NOX4: variants seen among roughly 807,000 people sequenced by gnomAD.
NOX4 encodes the protein NADPH oxidase 4.
A neutral mutation model predicts 87.6 loss-of-function variants in NOX4; 69 were observed. That is an observed-to-expected ratio of 0.79 (90% CI 0.65 to 0.96). NOX4 has a LOEUF of 0.96. Ranked by LOEUF, NOX4 falls within the 40% of genes least tolerant of loss-of-function variation. NOX4 has a pLI of 0.00. For missense variants in NOX4, 680 were observed against 681.5 expected, an observed-to-expected ratio of 1.00 and a Z score of 0.02; for synonymous variants, 275 against 238.2, an observed-to-expected ratio of 1.15 and a Z score of -1.42.
intron 2 of NOX4, among the ~76,000 whole-genome samples, chr11:89,483,249 T>C (rs1171111275): frequency 6.6e-6 from 1 of 152,094 alleles, no homozygotes; most frequent in Non-Finnish European, 1.5e-5. Flanking sequence ...CCATATAAAA[T>C]GGCTGATTTT....
chr11:89,537,532 A>G, the NOX4 span, among the ~76,000 whole-genome samples: 1 of 152,010 alleles, frequency 6.6e-6, no homozygotes, highest in Non-Finnish European at 1.5e-5. Flanking sequence ...GACATATTTC[A>G]TTTGTTCTGC....
At chr11:89,485,977 C>G (rs888061005) in intron 2 of NOX4, among the ~76,000 whole-genome samples, 3 of 152,068 alleles carry the variant, frequency 2.0e-5, no homozygotes, top group African/African-American at 7.2e-5. Flanking sequence ...TGGATCAGAC[C>G]AGTCTGGGGA....
chr11:89,329,308 A>G (rs1945354833), intron 17 of NOX4, among the ~76,000 whole-genome samples: 1 of 151,170 alleles, frequency 6.6e-6, no homozygotes. Context: ...AAACTTGAAG[A>G]AAAAGCATTA....
At chr11:89,453,609 C>T (rs544310691) in intron 2 of NOX4, among the ~76,000 whole-genome samples, 1 of 152,146 alleles carries the variant, frequency 6.6e-6, no homozygotes, top group Admixed American at 6.6e-5. Flanking sequence ...TTACTATTAG[C>T]CACACATAGT....
At chr11:89,582,934 A>G in the NOX4 span, among the ~76,000 whole-genome samples, 2 of 152,148 alleles carry the variant, frequency 1.3e-5, no homozygotes, top group Admixed American at 1.3e-4. Context: ...TGTTCCTCCT[A>G]TACAGGAAGA....
chr11:89,464,654 C>T (rs1206616989), intron 2 of NOX4, among the ~76,000 whole-genome samples: 1 of 152,092 alleles, frequency 6.6e-6, no homozygotes, highest in Non-Finnish European at 1.5e-5. Flanking sequence ...CCCAGCTACT[C>T]CAGAGTTTTT....
chr11:89,563,998 A>G, the NOX4 span, among the ~76,000 whole-genome samples: 2 of 152,162 alleles, frequency 1.3e-5, no homozygotes, highest in South Asian at 4.1e-4. Context: ...AGAGGGGTTT[A>G]CTGAACAGTA....
At chr11:89,581,500 T>G in the NOX4 span, among the ~76,000 whole-genome samples, 1 of 152,194 alleles carries the variant, frequency 6.6e-6, no homozygotes, top group African/African-American at 2.4e-5. Flanking sequence ...TTTAATATAA[T>G]TTTGAGAACT....
intron 4 of NOX4, among the ~76,000 whole-genome samples, chr11:89,446,996 T>G (rs912049332): frequency 6.6e-6 from 1 of 152,104 alleles, no homozygotes; most frequent in Non-Finnish European, 1.5e-5. Flanking sequence ...ACAAAAACTC[T>G]CTATATCTTC....
chr11:89,398,825 T>C (rs1404198860), intron 11 of NOX4, among the ~76,000 whole-genome samples: 1 of 151,938 alleles, frequency 6.6e-6, no homozygotes, highest in Non-Finnish European at 1.5e-5. Context: ...TAAATTACAG[T>C]ACTTTCCTAC....
At chr11:89,486,611 T>C (rs1004471251) in intron 2 of NOX4, among the ~76,000 whole-genome samples, 1 of 125,154 alleles carries the variant, frequency 8.0e-6, no homozygotes, top group Non-Finnish European at 1.7e-5. Flanking sequence ...CATATATATG[T>C]GTGTATATAT....
chr11:89,535,166 T>A, the NOX4 span, among the ~76,000 whole-genome samples: 6 of 152,218 alleles, frequency 3.9e-5, no homozygotes, highest in Non-Finnish European at 8.8e-5. Flanking sequence ...AACCATTAAA[T>A]CTCAGTCCCC....
chr11:89,422,621 G>A (rs2135267959), intron 7 of NOX4, among the ~76,000 whole-genome samples: 1 of 152,010 alleles, frequency 6.6e-6, no homozygotes, highest in Admixed American at 6.6e-5. Context: ...TAGAATATTG[G>A]AATTAGAGGG....
intron 8 of NOX4, among the ~76,000 whole-genome samples, chr11:89,415,083 T>C (rs1261416381): frequency 1.3e-5 from 2 of 152,002 alleles, no homozygotes; most frequent in African/African-American, 4.8e-5. Flanking sequence ...CTTAATTTAA[T>C]CTTTCATGCT....
chr11:89,557,062 T>G, the NOX4 span: 3 of 152,146 alleles, frequency 2.0e-5, no homozygotes, highest in Non-Finnish European at 4.4e-5. Context: ...ACATTTAACT[T>G]AACAGTTTTT....
At chr11:89,542,467 A>G in the NOX4 span, among the ~76,000 whole-genome samples, 1 of 152,196 alleles carries the variant, frequency 6.6e-6, no homozygotes, top group Non-Finnish European at 1.5e-5. Flanking sequence ...TTATTAATTA[A>G]GGCTATGGCA....
the NOX4 span, among the ~76,000 whole-genome samples, chr11:89,513,039 G>A: frequency 1.3e-5 from 2 of 151,924 alleles, no homozygotes; most frequent in African/African-American, 2.4e-5. Flanking sequence ...TTTCACATTC[G>A]GCTGGGTGCA....
intron 2 of NOX4, among the ~76,000 whole-genome samples, chr11:89,462,863 A>AT (rs1330416934): frequency 6.6e-6 from 1 of 151,940 alleles, no homozygotes; most frequent in Non-Finnish European, 1.5e-5. Context: ...AAATAAAACT[A>AT]TTTTTTTCAA....
chr11:89,494,884 G>A (rs988324280), upstream of NOX4, among the ~76,000 whole-genome samples: 4 of 152,210 alleles, frequency 2.6e-5, no homozygotes, highest in African/African-American at 9.6e-5. Flanking sequence ...AGTTCTGAAT[G>A]TCAGAAGTCT....
Sources: allele counts gnomAD v4.1 joint callset (sites outside exome capture counted in the v4.1 genomes callset), GRCh38; gene constraint gnomAD v4.1.1; transcripts MANE v1.5; gene names NCBI Gene and HGNC (gene_info 2026-07-23, HGNC 2026-07-21).